Variants in OR1J2 observed in about 807,000 individuals in gnomAD.
OR1J2 encodes the protein olfactory receptor 1J2.
For synonymous variants in OR1J2, 142 were observed against 99.7 expected (o/e 1.42, Z -2.52); for missense variants, 304 against 246.1 (o/e 1.24, Z -1.57).
chr9:122,467,761 A>G, the OR1J2 span, among the ~76,000 whole-genome samples: 1 of 152,244 alleles, frequency 6.6e-6, no homozygotes, highest in Non-Finnish European at 1.5e-5. Context: ...CTAAAAGACC[A>G]AACAACCATG....
chr9:122,579,397 T>C, the OR1J2 span, among the ~76,000 whole-genome samples: 1 of 152,184 alleles, frequency 6.6e-6, no homozygotes, highest in Admixed American at 6.5e-5. Flanking sequence ...CTATCCCTTG[T>C]CTGGAGATTG....
At chr9:122,548,700 G>A in the OR1J2 span, among the ~76,000 whole-genome samples, 2 of 150,924 alleles carry the variant, frequency 1.3e-5, no homozygotes, top group South Asian at 2.1e-4. Context: ...CCCATTAACC[G>A]GTCATTTACA....
the OR1J2 span, chr9:122,477,839 G>C: frequency 4.8e-5 from 78 of 1,614,058 alleles, no homozygotes; most frequent in Admixed American, 9.2e-4. Flanking sequence ...CCCAGGAACA[G>C]GGCGAAGAAC....
the OR1J2 span, among the ~76,000 whole-genome samples, chr9:122,532,749 T>C: frequency 6.6e-6 from 1 of 152,116 alleles, no homozygotes; most frequent in Non-Finnish European, 1.5e-5. Flanking sequence ...ATGGTCAGCC[T>C]AAAACAGTAA....
chr9:122,487,894 A>G, the OR1J2 span, among the ~76,000 whole-genome samples: 1 of 152,210 alleles, frequency 6.6e-6, no homozygotes. Context: ...TTTTATTTAT[A>G]AAGAACTTTC....
the OR1J2 span, among the ~76,000 whole-genome samples, chr9:122,492,844 C>T: frequency 4.6e-5 from 7 of 152,062 alleles, no homozygotes; most frequent in Non-Finnish European, 1.0e-4. Context: ...TGGCTGTGGG[C>T]TTGTTGTAGA....
At chr9:122,503,816 C>T in the OR1J2 span, among the ~76,000 whole-genome samples, 3 of 152,332 alleles carry the variant, frequency 2.0e-5, no homozygotes, top group African/African-American at 7.2e-5. Flanking sequence ...ACCAGGTATA[C>T]TGCACAATAA....
the OR1J2 span, chr9:122,477,549 G>A: frequency 6.2e-7 from 1 of 1,614,198 alleles, no homozygotes; most frequent in South Asian, 1.1e-5. Flanking sequence ...GAGGATGACA[G>A]ATGGCCACAT....
chr9:122,515,957 G>A (rs1348511223), downstream of OR1J2, among the ~76,000 whole-genome samples: 1 of 152,056 alleles, frequency 6.6e-6, no homozygotes, highest in Non-Finnish European at 1.5e-5. Flanking sequence ...TTCCCTAGAG[G>A]TCTTTGCACT....
the OR1J2 span, among the ~76,000 whole-genome samples, chr9:122,525,752 G>T: frequency 3.9e-5 from 6 of 152,108 alleles, no homozygotes; most frequent in Admixed American, 2.0e-4. Flanking sequence ...TGGGCAACCC[G>T]CATGGAAACC....
upstream of OR1J2, among the ~76,000 whole-genome samples, chr9:122,507,287 G>A (rs1477487615): frequency 6.6e-6 from 1 of 152,144 alleles, no homozygotes; most frequent in Non-Finnish European, 1.5e-5. Flanking sequence ...GTTAAAAAGG[G>A]TCATTAAAGG....
the OR1J2 span, chr9:122,448,967 G>GT: frequency 8.9e-6 from 1 of 112,790 alleles, no homozygotes; most frequent in African/African-American, 3.3e-5. Context: ...GCAAGACGCC[G>GT]TGTCTACAAA....
At chr9:122,579,281 A>T in the OR1J2 span, among the ~76,000 whole-genome samples, 2 of 151,958 alleles carry the variant, frequency 1.3e-5, no homozygotes, top group East Asian at 3.8e-4. Flanking sequence ...CATAAATTTG[A>T]AACATTTTAA....
the OR1J2 span, among the ~76,000 whole-genome samples, chr9:122,565,990 T>C: frequency 0.27 from 41,435 of 152,054 alleles, 5,822 homozygotes; most frequent in Middle Eastern, 0.35. Flanking sequence ...TGTTTGGTGT[T>C]AGGGATCTAT....
At chr9:122,499,297 G>A in the OR1J2 span, among the ~76,000 whole-genome samples, 1 of 152,238 alleles carries the variant, frequency 6.6e-6, no homozygotes, top group African/African-American at 2.4e-5. Flanking sequence ...TCTGCATGGG[G>A]ACAGGGGGCT....
chr9:122,579,584 C>T, the OR1J2 span, among the ~76,000 whole-genome samples: 1 of 152,066 alleles, frequency 6.6e-6, no homozygotes, highest in Non-Finnish European at 1.5e-5. Context: ...ATACTAAGTA[C>T]TTCAAAAAGA....
the OR1J2 span, chr9:122,553,898 T>G: frequency 1.2e-5 from 19 of 1,614,028 alleles, no homozygotes; most frequent in Non-Finnish European, 1.6e-5. Context: ...GGGCTGTGTT[T>G]GTCATCTCAT....
the OR1J2 span, among the ~76,000 whole-genome samples, chr9:122,462,658 T>G: frequency 1.3e-5 from 2 of 152,228 alleles, no homozygotes; most frequent in Non-Finnish European, 2.9e-5. Flanking sequence ...TGAAAAAGAC[T>G]GTATTTTTCC....
the OR1J2 span, among the ~76,000 whole-genome samples, chr9:122,480,132 C>A: frequency 6.6e-6 from 1 of 151,942 alleles, no homozygotes; most frequent in Admixed American, 6.5e-5. Flanking sequence ...CAGGGATTCA[C>A]TATAACATAT....
Sources: gnomAD v4.1 joint callset for allele counts (sites outside exome capture counted in the v4.1 genomes callset) on GRCh38, gnomAD v4.1.1 for gene constraint, MANE v1.5 for transcripts, NCBI Gene and HGNC (gene_info 2026-07-23, HGNC 2026-07-21) for gene names.